Variants in HPSE2 observed in about 807,000 individuals in gnomAD.
HPSE2 encodes heparanase 2 (inactive), also known as inactive heparanase-2.
HPSE2 carries 38 observed loss-of-function variants against 60.5 expected under a neutral mutation model. The observed-to-expected ratio is 0.63, with a 90% CI of 0.48 to 0.82. The LOEUF is 0.82. Ranked by LOEUF, HPSE2 falls within the 40% of genes least tolerant of loss-of-function variation. The pLI is 0.00. For synonymous variants in HPSE2, 295 were observed against 293.2 expected (o/e 1.01, Z -0.06); for missense variants, 713 against 740.4 (o/e 0.96, Z 0.43).
intron 3 of HPSE2, among the ~76,000 whole-genome samples, chr10:99,125,390 C>G (rs1241923870): frequency 6.6e-6 from 1 of 152,216 alleles, no homozygotes; most frequent in African/African-American, 2.4e-5. Context: ...TGCTCAGACT[C>G]TATCTAATCC....
intron 6 of HPSE2, among the ~76,000 whole-genome samples, chr10:98,643,258 A>C (rs994793457): frequency 6.6e-6 from 1 of 152,208 alleles, no homozygotes; most frequent in Admixed American, 6.5e-5. Context: ...TTATTCTTAA[A>C]TGGGGGATAA....
At chr10:99,138,367 T>C (rs966620922) in intron 3 of HPSE2, among the ~76,000 whole-genome samples, 8 of 152,130 alleles carry the variant, frequency 5.3e-5, no homozygotes, top group South Asian at 2.1e-4. Flanking sequence ...GAAACACCAT[T>C]TGACCCAGCA....
chr10:98,527,512 G>A lies in HPSE2; in HGVS notation c.1321-37316C>T, dbSNP rs888879416. The stretch of plus-strand genomic sequence containing the variant: ...GACGGTGCTTCCTCTAGCTCCTCAA[G>A]AGCCCACGGCACTCTCATCCCTCAG... On this transcript the variant is annotated intron_variant, in intron 9 of 11. Transcript: ENST00000370552. Among the ~76,000 whole-genome samples the A allele has an allele frequency of 8.1e-4, 124 of 152,154 alleles. 1 individual carries two copies. The highest frequency in any genetic ancestry group is 2.9e-3 in the African/African-American group (122 of 41,520).
At chr10:98,502,553 G>A (rs1402878374) in intron 9 of HPSE2, among the ~76,000 whole-genome samples, 1 of 152,200 alleles carries the variant, frequency 6.6e-6, no homozygotes, top group Non-Finnish European at 1.5e-5. Flanking sequence ...ATCAGCTCAA[G>A]CTGGATTAAG....
At chr10:99,283,199 AAAAAAAAAAAAAAAAAAC>A in the HPSE2 span, among the ~76,000 whole-genome samples, 1 of 38,412 alleles carries the variant, frequency 2.6e-5, no homozygotes, top group African/African-American at 1.7e-4. Context: ...TTAAAAAAAA[AAAAAAAAAAAAAAAAAAC>A]AGAAGGATTT....
chr10:99,168,823 T>C (rs1847186171), intron 2 of HPSE2, among the ~76,000 whole-genome samples: 1 of 152,220 alleles, frequency 6.6e-6, no homozygotes, highest in Non-Finnish European at 1.5e-5. Context: ...AATGCTGTAA[T>C]ATTTCACCAT....
At chr10:98,760,015 T>A (rs57074550) in intron 3 of HPSE2, among the ~76,000 whole-genome samples, 2,060 of 152,192 alleles carry the variant, frequency 0.014, 41 homozygotes, top group African/African-American at 0.046. Context: ...TTGGTTAATT[T>A]TATTCTTAAG....
chr10:99,193,334 A>G (rs897995374), intron 2 of HPSE2, among the ~76,000 whole-genome samples: 1 of 152,146 alleles, frequency 6.6e-6, no homozygotes, highest in African/African-American at 2.4e-5. Context: ...AATCACCTTC[A>G]CTAAAAGGAA....
At chr10:99,117,568 T>C (rs1844761363) in intron 3 of HPSE2, among the ~76,000 whole-genome samples, 1 of 151,028 alleles carries the variant, frequency 6.6e-6, no homozygotes, top group Non-Finnish European at 1.5e-5. Flanking sequence ...TAAATAATCA[T>C]AAGCAATTAT....
chr10:98,979,555 G>A (rs1394421502), intron 3 of HPSE2, among the ~76,000 whole-genome samples: 1 of 152,086 alleles, frequency 6.6e-6, no homozygotes, highest in Non-Finnish European at 1.5e-5. Context: ...TTAATTATTT[G>A]TACAAAAGAC....
intron 3 of HPSE2, among the ~76,000 whole-genome samples, chr10:98,923,729 T>C (rs925499136): frequency 1.3e-5 from 2 of 152,112 alleles, no homozygotes; most frequent in Admixed American, 6.6e-5. Flanking sequence ...TTTTCAATTC[T>C]AGAATTTCTG....
At chr10:98,587,756 C>T (rs1944977627) in intron 9 of HPSE2, among the ~76,000 whole-genome samples, 1 of 152,198 alleles carries the variant, frequency 6.6e-6, no homozygotes, top group Non-Finnish European at 1.5e-5. Context: ...TCAGAACCTT[C>T]TTTGACCTGG....
intron 3 of HPSE2, among the ~76,000 whole-genome samples, chr10:98,935,441 G>A (rs1954760740): frequency 7.0e-6 from 1 of 143,666 alleles, no homozygotes; most frequent in African/African-American, 2.8e-5. Context: ...TTTGATCTTT[G>A]AGGCTGACAA....
chr10:98,685,261 T>G (rs920531768), intron 6 of HPSE2, among the ~76,000 whole-genome samples: 4 of 152,198 alleles, frequency 2.6e-5, no homozygotes, highest in African/African-American at 9.6e-5. Flanking sequence ...TATTTATGGT[T>G]CTTTTTCTTA....
intron 3 of HPSE2, among the ~76,000 whole-genome samples, chr10:99,035,087 TGTTA>T (rs1957580749): frequency 6.6e-6 from 1 of 152,196 alleles, no homozygotes; most frequent in Non-Finnish European, 1.5e-5. Flanking sequence ...TAAATTTATT[TGTTA>T]AAGTATTTCT....
At chr10:99,059,270 A>G (rs368589662) in intron 3 of HPSE2, among the ~76,000 whole-genome samples, 1 of 152,228 alleles carries the variant, frequency 6.6e-6, no homozygotes, top group African/African-American at 2.4e-5. Flanking sequence ...AGAGTCTTAC[A>G]TGGTATCTTA....
chr10:99,307,303 T>C, the HPSE2 span, among the ~76,000 whole-genome samples: 75 of 152,334 alleles, frequency 4.9e-4, no homozygotes, highest in Non-Finnish European at 1.0e-3. Flanking sequence ...GTGTGTTTTA[T>C]ATTAAATCGT....
At chr10:99,029,754 A>G (rs772248365) in intron 3 of HPSE2, among the ~76,000 whole-genome samples, 2 of 152,230 alleles carry the variant, frequency 1.3e-5, no homozygotes, top group Non-Finnish European at 2.9e-5. Context: ...TGACCGTTGA[A>G]GCACAGCATC....
In HPSE2 at chr10:98,641,952, A is replaced by AT. The variant is rs747030214; in HGVS notation, c.1005-13dup. On this transcript the variant is annotated splice_polypyrimidine_tract_variant and intron_variant, in intron 6 of 11. Transcript: ENST00000370552. ...CATCAATGTAGCAACTGGAATAAAA[A>AT]TAAAATAAGAATCAGATAAAATCTC... The AT allele has an allele frequency of 6.2e-7, 1 of 1,601,650 alleles. No homozygotes were observed.
Sources: gnomAD v4.1 joint callset for allele counts (sites outside exome capture counted in the v4.1 genomes callset) on GRCh38, gnomAD v4.1.1 for gene constraint, MANE v1.5 for transcripts, NCBI Gene and HGNC (gene_info 2026-07-23, HGNC 2026-07-21) for gene names.